The following ROBO2 variants were observed in gnomAD, a reference collection of about 807,000 sequenced individuals.
The protein encoded by ROBO2 is roundabout guidance receptor 2.
ROBO2 carries 53 observed loss-of-function variants against 160.8 expected under a neutral mutation model. The ratio of observed to expected loss-of-function variants is 0.33; its 90% CI spans 0.26 to 0.41. The LOEUF (loss-of-function observed/expected upper bound fraction) is 0.41, where lower values mean the gene tolerates loss of function less well. ROBO2 is among the 10% of genes least tolerant of loss of function. The pLI is 1.00. For missense variants in ROBO2, 1,577 were observed against 1,722.4 expected (o/e 0.92, Z 1.49); for synonymous variants, 664 against 611.7 (o/e 1.09, Z -1.26).
intron 23 of ROBO2, chr3:77,634,494 A>T (rs2095229236): frequency 7.5e-6 from 2 of 267,648 alleles, no homozygotes; most frequent in Non-Finnish European, 7.4e-6. Context: ...TACTTCATAA[A>T]TAGCTTCTTT....
chr3:77,196,085 C>G (rs572346653), intron 2 of ROBO2, among the ~76,000 whole-genome samples: 12 of 152,174 alleles, frequency 7.9e-5, no homozygotes, highest in Non-Finnish European at 1.6e-4. Context: ...TGAAACTAAT[C>G]AAATATATTT....
At chr3:77,563,476 GA>G in intron 11 of ROBO2, 147 bp downstream of exon 12, 1 of 826,498 alleles carries the variant, frequency 1.2e-6, no homozygotes, top group Non-Finnish European at 1.9e-6. Flanking sequence ...CTTTATTCAA[GA>G]ACAGAGTTAA....
At chr3:76,247,021 C>A (rs1419060404) in intron 2 of ROBO2, among the ~76,000 whole-genome samples, 2 of 152,034 alleles carry the variant, frequency 1.3e-5, no homozygotes, top group African/African-American at 4.8e-5. Flanking sequence ...AAAAATAGTT[C>A]TATATTATCA....
chr3:76,865,469 C>T (rs1054310006), intron 2 of ROBO2, among the ~76,000 whole-genome samples: 4 of 152,028 alleles, frequency 2.6e-5, no homozygotes, highest in South Asian at 2.1e-4. Context: ...CAATTGTCCA[C>T]GGACCACACT....
intron 2 of ROBO2, among the ~76,000 whole-genome samples, chr3:75,960,427 G>T (rs1041704745): frequency 6.6e-6 from 1 of 151,772 alleles, no homozygotes; most frequent in Non-Finnish European, 1.5e-5. Flanking sequence ...TAATGTTTAA[G>T]GCTGGATGTG....
intron 2 of ROBO2, among the ~76,000 whole-genome samples, chr3:76,902,155 A>G (rs1368572045): frequency 6.6e-6 from 1 of 152,044 alleles, no homozygotes; most frequent in Non-Finnish European, 1.5e-5. Context: ...TATATATACA[A>G]TGGAGGTACC....
chr3:76,813,429 A>T (rs188496216), intron 2 of ROBO2, among the ~76,000 whole-genome samples: 2 of 152,226 alleles, frequency 1.3e-5, no homozygotes, highest in East Asian at 3.9e-4. Context: ...AACTTATTTA[A>T]AACTTTGTTT....
intron 2 of ROBO2, among the ~76,000 whole-genome samples, chr3:76,581,459 A>C (rs2085694102): frequency 6.6e-6 from 1 of 152,030 alleles, no homozygotes; most frequent in Admixed American, 6.6e-5. Flanking sequence ...CAACATGGCG[A>C]GATGTTGTCT....
intron 2 of ROBO2, among the ~76,000 whole-genome samples, chr3:76,059,687 G>A (rs183115296): frequency 1.3e-5 from 2 of 152,224 alleles, no homozygotes; most frequent in East Asian, 1.9e-4. Flanking sequence ...GGCTTTTGTT[G>A]CCATTGCTTT....
rs992396202 is a variant in ROBO2, at chr3:77,338,311, C to T, written c.389-139103C>T. On this transcript the variant is annotated intron_variant, in intron 2 of 25. Coordinates refer to ENST00000461745, the Ensembl canonical transcript of ROBO2. Reference sequence around the variant, plus strand: ...CAAGGGCACTTTGTTTTTTAGCTCACATCTGCTCCCCCCTTGTTCTGGTCA... The same window carrying T: ...CAAGGGCACTTTGTTTTTTAGCTCATATCTGCTCCCCCCTTGTTCTGGTCA... 4.3e-4 allele frequency among the ~76,000 whole-genome samples: 65 copies of T among 152,140 alleles called. 1 individual carries two copies. The highest frequency in any genetic ancestry group is 1.3e-3 in the African/African-American group (54 of 41,434).
intron 2 of ROBO2, among the ~76,000 whole-genome samples, chr3:76,629,431 G>GAAGC (rs2089887318): frequency 1.3e-5 from 2 of 152,142 alleles, no homozygotes; most frequent in South Asian, 4.1e-4. Context: ...GAGGAGCAAA[G>GAAGC]AAGCCAGTCC....
At chr3:76,472,100 T>C (rs3064405) in intron 2 of ROBO2, among the ~76,000 whole-genome samples, 20,657 of 111,054 alleles carry the variant, frequency 0.19, 1,545 homozygotes, top group African/African-American at 0.24. Context: ...TGTGTGTGTG[T>C]GCGCGTGTGC....
chr3:77,596,557 A>G (rs1325822397), intron 18 of ROBO2, 66 bp from the exon 20 acceptor site: 4 of 1,595,094 alleles, frequency 2.5e-6, no homozygotes, highest in Admixed American at 1.7e-5. Context: ...TTTATATTGC[A>G]TGAGACGAGT....
chr3:77,364,302 G>A (rs988397521), intron 2 of ROBO2, among the ~76,000 whole-genome samples: 1 of 151,942 alleles, frequency 6.6e-6, no homozygotes, highest in African/African-American at 2.4e-5. Flanking sequence ...TGCCTCCCAG[G>A]CAATGTTCAT....
At chr3:76,918,580 C>A (rs185690542) in intron 2 of ROBO2, among the ~76,000 whole-genome samples, 163 of 152,272 alleles carry the variant, frequency 1.1e-3, no homozygotes, top group African/African-American at 3.9e-3. Flanking sequence ...TTATGTAATA[C>A]AGTAATGCTT....
chr3:77,606,648 T>C (rs2094531373), intron 20 of ROBO2, among the ~76,000 whole-genome samples: 1 of 152,232 alleles, frequency 6.6e-6, no homozygotes, highest in African/African-American at 2.4e-5. Flanking sequence ...TGCTCAAATA[T>C]GTTCCTATTA....
At chr3:76,423,559 G>C (rs2076083543) in intron 2 of ROBO2, among the ~76,000 whole-genome samples, 1 of 152,178 alleles carries the variant, frequency 6.6e-6, no homozygotes, top group African/African-American at 2.4e-5. Context: ...CATCAGGTTA[G>C]AAAATAGGAA....
rs149859300 is a variant in ROBO2 at position 76,915,555 on chromosome 3, A to T, written c.110-182459A>T. Among the ~76,000 whole-genome samples, 1,015 of 151,628 alleles carry T rather than the reference A, an allele frequency of 6.7e-3. 4 individuals are homozygous for T. Among genetic ancestry groups the T allele is most frequent in the Non-Finnish European group, 0.011 (752 of 67,908 alleles). The stretch of plus-strand genomic sequence containing the variant: ...TGTGGTGGTGAGTGCCTGTAACCCC[A>T]GCTACTCGGGAGGCTGATGCAGGAG... On this transcript the variant is annotated intron_variant, in intron 2 of 26. Transcript: ENST00000487694.
chr3:77,455,087 G>A (rs1363669351), intron 2 of ROBO2, among the ~76,000 whole-genome samples: 2 of 152,086 alleles, frequency 1.3e-5, no homozygotes, highest in Non-Finnish European at 2.9e-5. Flanking sequence ...ATTATTATGG[G>A]AGAACAAATA....
Sources: gnomAD v4.1 joint callset for allele counts (sites outside exome capture counted in the v4.1 genomes callset) on GRCh38, gnomAD v4.1.1 for gene constraint, MANE v1.5 for transcripts, NCBI Gene and HGNC (gene_info 2026-07-23, HGNC 2026-07-21) for gene names.